HFM1: variants seen among roughly 807,000 people sequenced by gnomAD.
HFM1 encodes the protein probable ATP-dependent DNA helicase HFM1.
HFM1 carries 169 observed loss-of-function variants against 192.1 expected under a neutral mutation model. That is an observed-to-expected ratio of 0.88 (90% CI 0.78 to 1.00). The LOEUF (loss-of-function observed/expected upper bound fraction) is 1.00. Ranked by LOEUF, HFM1 falls within the 50% of genes least tolerant of loss-of-function variation. HFM1 has a pLI of 0.00. For synonymous variants in HFM1, 525 were observed against 537.8 expected (o/e 0.98, Z 0.33); for missense variants, 1,661 against 1,668.0 (o/e 1.00, Z 0.07).
chr1:91,290,711 T>A (rs1272748239), intron 30 of HFM1, among the ~76,000 whole-genome samples: 11 of 152,114 alleles, frequency 7.2e-5, no homozygotes, highest in Admixed American at 6.5e-4. Context: ...CTAATAGACA[T>A]CTACAGAACT....
intron 33 of HFM1, among the ~76,000 whole-genome samples, chr1:91,274,179 A>C (rs1302131895): frequency 1.3e-5 from 2 of 152,014 alleles, no homozygotes; most frequent in East Asian, 3.9e-4. Context: ...ATCAGGATAC[A>C]GGAAAAGAAC....
chr1:91,355,522 GA>G (rs1388994928), intron 13 of HFM1, among the ~76,000 whole-genome samples: 1 of 151,628 alleles, frequency 6.6e-6, no homozygotes, highest in Non-Finnish European at 1.5e-5. Flanking sequence ...AGGGGTAAAA[GA>G]AAATATTCTA....
At chr1:91,327,008 G>C (rs535865290) in intron 20 of HFM1, among the ~76,000 whole-genome samples, 1 of 152,094 alleles carries the variant, frequency 6.6e-6, no homozygotes, top group African/African-American at 2.4e-5. Flanking sequence ...ACCTCAAATT[G>C]AAAGACATAC....
chr1:91,406,875 T>G (rs923912002), upstream of HFM1, among the ~76,000 whole-genome samples: 2 of 152,098 alleles, frequency 1.3e-5, no homozygotes, highest in South Asian at 2.1e-4. Flanking sequence ...AAAAATTTGG[T>G]AAGAAAGGCA....
intron 13 of HFM1, among the ~76,000 whole-genome samples, chr1:91,356,328 A>G (rs972104336): frequency 6.6e-6 from 1 of 150,872 alleles, no homozygotes; most frequent in African/African-American, 2.4e-5. Context: ...ACTGCAACCT[A>G]TGCCTCCCAG....
intron 30 of HFM1, among the ~76,000 whole-genome samples, chr1:91,277,882 T>TTA (rs1667074398): frequency 1.1e-5 from 1 of 88,158 alleles, no homozygotes; most frequent in Non-Finnish European, 2.1e-5. Flanking sequence ...TAATATATAC[T>TTA]TATATATTAT....
chr1:91,276,568 C>T, intron 32 of HFM1, 60 bp downstream of exon 32: 1 of 781,820 alleles, frequency 1.3e-6, no homozygotes, highest in Non-Finnish European at 2.0e-6. Flanking sequence ...ACAGACAGAA[C>T]AAAGAATATT....
At chr1:91,372,329 G>A (rs1419679177) in intron 13 of HFM1, among the ~76,000 whole-genome samples, 1 of 152,128 alleles carries the variant, frequency 6.6e-6, no homozygotes, top group African/African-American at 2.4e-5. Context: ...CAAAGACTTG[G>A]AACCAACCCA....
Position 91,313,402 on chromosome 1 carries a change from T to C in HFM1, c.3338A>G (p.Gln1113Arg). The change falls in exon 30 of 39, where the codon CAG becomes CGG. Residue 1113 changes from glutamine to arginine, a missense_variant. Transcript: ENST00000370425. ...GTCTGAATGTTTAGAATGGGAAATC[T>C]GTGTTTCAGATTTTCTTTGCATAGT... is the stretch of plus-strand genomic sequence containing the variant. The part of the protein sequence containing the change: ...QITMQRKSET[Q>R]ISHSKHSDIS... 6.3e-7 allele frequency: 1 copy of C among 1,598,700 alleles called. No individual in the cohort carries two copies. The highest frequency in any genetic ancestry group is 2.2e-5 in the East Asian group (1 of 44,468).
intron 30 of HFM1, among the ~76,000 whole-genome samples, chr1:91,310,926 G>A (rs1048337802): frequency 4.6e-5 from 7 of 152,190 alleles, no homozygotes; most frequent in Non-Finnish European, 1.0e-4. Context: ...TACCAGTAGA[G>A]TGGGGACATT....
At chr1:91,391,351 A>G (rs1662963027) in intron 4 of HFM1, among the ~76,000 whole-genome samples, 1 of 152,234 alleles carries the variant, frequency 6.6e-6, no homozygotes, top group Non-Finnish European at 1.5e-5. Flanking sequence ...ACTTCAAACT[A>G]TACTACAAGG....
At position 91,335,069 on chromosome 1, in the gene HFM1, G is replaced by A. The variant is rs189777387; in HGVS notation, c.2335+8361C>T. On this transcript the variant is annotated intron_variant, in intron 20 of 38. Transcript: ENST00000370425. Reference sequence around the variant, plus strand: ...TCTCAAGGAAAGGGCTAACATTTACGTATGTGCTAAATGTTTTGCTGAAGA... The same window carrying A: ...TCTCAAGGAAAGGGCTAACATTTACATATGTGCTAAATGTTTTGCTGAAGA... Among the ~76,000 whole-genome samples the A allele has an allele frequency of 1.1e-4, 17 of 152,254 alleles. No homozygotes were observed. The East Asian group carries it at 2.9e-3, about 26-fold the overall frequency.
At position 91,378,476 on chromosome 1, in the gene HFM1, T is replaced by C; in HGVS notation, c.1163A>G (p.Lys388Arg). ...CCATTTCCTAGTCATGCTATCCCATTTTTCCTAGAGAGAAAAAAAAGCATA... is the reference window on the plus strand; with the variant it reads ...CCATTTCCTAGTCATGCTATCCCATCTTTCCTAGAGAGAAAAAAAAGCATA... ...HAHIIMTTPEKWDSMTRKWRD... is the reference protein window; with the variant it reads ...HAHIIMTTPERWDSMTRKWRD... The change falls in exon 10 of 39, where the codon AAA becomes AGA. Residue 388 changes from lysine (K) to arginine (R), a missense_variant. Coordinates refer to ENST00000370425, the MANE Select transcript of HFM1 (RefSeq NM_001017975.6). 6.3e-7 allele frequency: 1 copy of C among 1,591,714 alleles called. No homozygotes were observed. The highest frequency in any genetic ancestry group is 1.1e-5 in the South Asian group (1 of 89,188).
rs1359099249 is a variant in HFM1, at chr1:91,394,267, T to C, written c.320A>G (p.Glu107Gly). 2 of 1,597,992 alleles carry C rather than the reference T, an allele frequency of 1.3e-6. No individual in the cohort carries two copies. Among genetic ancestry groups the C allele is most frequent in the Non-Finnish European group, 1.7e-6 (2 of 1,165,258 alleles). ...DKYEQDDLNL[E>G]GVGNNDLSHI... is the part of the protein sequence containing the mutation. ...TGATAAGTCATTATTACCTACCCCT[T>C]CTAAATTTAGATCATCCTGTTCATA... Residue 107 changes from glutamate to glycine, a missense_variant, in exon 4 of 39, where the codon GAA becomes GGA. Coordinates refer to ENST00000370425, the MANE Select transcript of HFM1 (RefSeq NM_001017975.6).
chr1:91,350,582 G>A (rs1656795026), intron 18 of HFM1, among the ~76,000 whole-genome samples, 156 bp downstream of exon 18: 2 of 151,928 alleles, frequency 1.3e-5, no homozygotes, highest in Non-Finnish European at 2.9e-5. Context: ...TTCTCAGCTT[G>A]TCTACTCTTG....
chr1:91,363,572 G>T (rs282050), intron 13 of HFM1, among the ~76,000 whole-genome samples: 3 of 151,762 alleles, frequency 2.0e-5, no homozygotes, highest in South Asian at 4.1e-4. Flanking sequence ...AAAAAGGAAC[G>T]CTTTTACACT....
At chr1:91,350,431 A>G (rs1456616910) in intron 18 of HFM1, among the ~76,000 whole-genome samples, 1 of 152,076 alleles carries the variant, frequency 6.6e-6, no homozygotes, top group Admixed American at 6.6e-5. Context: ...AAAATTCAAA[A>G]CTTTTTGTAA....
intron 28 of HFM1, 75 bp downstream of exon 28, chr1:91,315,740 T>A (rs1036805669): frequency 6.5e-6 from 7 of 1,080,954 alleles, no homozygotes; most frequent in African/African-American, 1.6e-5. Context: ...ATCTTGTTAT[T>A]TTTTTTTCAG....
chr1:91,343,399 G>A (rs769402305), intron 20 of HFM1, 31 bp downstream of exon 20: 3 of 1,066,530 alleles, frequency 2.8e-6, no homozygotes, highest in Admixed American at 2.3e-5. Context: ...GTAAACAATT[G>A]CTAAATTTAC....
Sources: allele counts gnomAD v4.1 joint callset (sites outside exome capture counted in the v4.1 genomes callset), GRCh38; gene constraint gnomAD v4.1.1; transcripts MANE v1.5; gene names NCBI Gene and HGNC (gene_info 2026-07-23, HGNC 2026-07-21).